The following IRF2 variants were observed in gnomAD, a reference collection of about 807,000 sequenced individuals.
IRF2 encodes interferon regulatory factor 2.
In IRF2, 15 loss-of-function variants were observed where a neutral mutation model predicts 40.6. The observed-to-expected ratio is 0.37, with a 90% CI of 0.25 to 0.57. The LOEUF (loss-of-function observed/expected upper bound fraction) is 0.57, where lower values mean the gene tolerates loss of function less well. Ranked by LOEUF, IRF2 falls within the 20% of genes least tolerant of loss-of-function variation. IRF2 has a pLI of 0.77. For missense variants in IRF2, 317 were observed against 455.7 expected, an observed-to-expected ratio of 0.70 and a Z score of 2.77; for synonymous variants, 151 against 165.5, an observed-to-expected ratio of 0.91 and a Z score of 0.67.
intron 1 of IRF2, among the ~76,000 whole-genome samples, chr4:184,473,085 T>C (rs1176976754): frequency 1.3e-5 from 2 of 151,562 alleles, no homozygotes; most frequent in East Asian, 1.9e-4. Context: ...GGCGCCGCGA[T>C]TGGCCGCGGC....
intron 5 of IRF2, among the ~76,000 whole-genome samples, chr4:184,416,981 G>T (rs1737303943): frequency 6.6e-6 from 1 of 152,164 alleles, no homozygotes. Flanking sequence ...AGGAGGCGGA[G>T]GTTGCAATGA....
chr4:184,398,914 C>A lies in IRF2; in HGVS notation c.694+1G>T. On this transcript the variant is annotated splice_donor_variant, in intron 7 of 8. Coordinates refer to ENST00000393593, the MANE Select transcript of IRF2 (RefSeq NM_002199.4). LOFTEE classifies it high-confidence loss of function. Reference sequence around the variant, plus strand: ...TCCCGGAGCCTCCCGCTGACGCTTACCTGCATAGGAAGACACGGGGGAGAT... The same window carrying A: ...TCCCGGAGCCTCCCGCTGACGCTTAACTGCATAGGAAGACACGGGGGAGAT... 6.3e-7 allele frequency: 1 copy of A among 1,598,364 alleles called. No homozygotes were observed. The highest frequency in any genetic ancestry group is 8.5e-7 in the Non-Finnish European group (1 of 1,173,630).
rs1738802136 is a variant in IRF2, at chr4:184,453,466, C to T, written c.-7+20913G>A. ...TATGGAAAACGGGAAAAGAAGTGATCCTATATTTCCCTTAATCAGCACGTC... is the reference window on the plus strand; with the variant it reads ...TATGGAAAACGGGAAAAGAAGTGATTCTATATTTCCCTTAATCAGCACGTC... On this transcript the variant is annotated intron_variant, in intron 1 of 8. Coordinates refer to ENST00000393593, the MANE Select transcript of IRF2 (RefSeq NM_002199.4). 2.0e-5 allele frequency among the ~76,000 whole-genome samples: 3 copies of T among 152,232 alleles called. No individual in the cohort carries two copies. The South Asian group carries it at 6.2e-4, about 31-fold the overall frequency.
intron 8 of IRF2, 36 bp downstream of exon 8, chr4:184,390,667 T>G: frequency 6.2e-7 from 1 of 1,612,362 alleles, no homozygotes; most frequent in Non-Finnish European, 8.5e-7. Context: ...AGGCTTTTCC[T>G]TGGCAGCATC....
intron 1 of IRF2, among the ~76,000 whole-genome samples, chr4:184,459,018 A>G (rs899127460): frequency 2.0e-5 from 3 of 152,096 alleles, no homozygotes; most frequent in Admixed American, 1.3e-4. Flanking sequence ...TGAATGGATT[A>G]TATTTAAATT....
intron 7 of IRF2, among the ~76,000 whole-genome samples, chr4:184,396,548 C>A (rs1297222536): frequency 6.6e-5 from 10 of 151,858 alleles, no homozygotes; most frequent in Admixed American, 2.0e-4. Flanking sequence ...GATGCTCCTG[C>A]CTCAGCCTTC....
At chr4:184,403,403 T>A (rs188528146) in intron 6 of IRF2, among the ~76,000 whole-genome samples, 2 of 152,266 alleles carry the variant, frequency 1.3e-5, no homozygotes, top group African/African-American at 4.8e-5. Context: ...CAGTCAGAAG[T>A]GGCACTCCTC....
At chr4:184,404,577 T>C (rs1736782648) in intron 6 of IRF2, among the ~76,000 whole-genome samples, 1 of 152,138 alleles carries the variant, frequency 6.6e-6, no homozygotes, top group Non-Finnish European at 1.5e-5. Context: ...TATATAGAAA[T>C]TGAATTTCAA....
chr4:184,456,646 C>G (rs1170207611), intron 1 of IRF2, among the ~76,000 whole-genome samples: 3 of 152,256 alleles, frequency 2.0e-5, no homozygotes, highest in Admixed American at 6.5e-5. Flanking sequence ...GCCCTCCCTA[C>G]CGGGAAACCG....
At chr4:184,396,565 G>A (rs1305816231) in intron 7 of IRF2, among the ~76,000 whole-genome samples, 2 of 151,702 alleles carry the variant, frequency 1.3e-5, no homozygotes, top group Non-Finnish European at 2.9e-5. Context: ...CTTCCAAGTG[G>A]CTGGGACTAC....
chr4:184,436,404 CA>C (rs1405417579), intron 1 of IRF2, among the ~76,000 whole-genome samples: 5 of 152,256 alleles, frequency 3.3e-5, no homozygotes, highest in Admixed American at 3.3e-4. Context: ...TCACTACCCT[CA>C]AGGAACAAAT....
rs147931401 is a variant in IRF2, at chr4:184,390,543, T to C, written c.741+160A>G. Among the ~76,000 whole-genome samples the C allele has an allele frequency of 3.9e-5, 6 of 152,206 alleles. No homozygotes were observed. The East Asian group carries it at 1.2e-3, about 29-fold the overall frequency. On this transcript the variant is annotated intron_variant, in intron 8 of 8. Transcript: ENST00000393593. ...AATTTTATAACCCCAAACCCAAAAG[T>C]ATGGTAAATTCTGGTGATGCATATT... is the stretch of plus-strand genomic sequence containing the variant.
At position 184,406,244 on chromosome 4, in the gene IRF2, T is replaced by C. The variant is rs527282602; in HGVS notation, c.529+1914A>G. Among the ~76,000 whole-genome samples, 13 of 151,346 alleles carry C rather than the reference T, an allele frequency of 8.6e-5. No homozygotes were observed. In the East Asian group the frequency reaches 2.5e-3, roughly 29 times the overall value. ...AGCTACTTTTTATCTTTTTTTTTTT[T>C]TTTTTGAGGCAGTCTCCCTCTGTCA... On this transcript the variant is annotated intron_variant, in intron 6 of 8. Coordinates refer to ENST00000393593, the MANE Select transcript of IRF2 (RefSeq NM_002199.4).
At chr4:184,389,503 G>A (rs961693436) in intron 8 of IRF2, among the ~76,000 whole-genome samples, 8 of 152,224 alleles carry the variant, frequency 5.3e-5, no homozygotes, top group African/African-American at 2.4e-5. Flanking sequence ...CTTAAGAACT[G>A]CAGAATGAAC....
At chr4:184,434,761 T>C (rs1738018097) in intron 1 of IRF2, among the ~76,000 whole-genome samples, 1 of 136,152 alleles carries the variant, frequency 7.3e-6, no homozygotes, top group African/African-American at 2.5e-5. Context: ...AAGTTGACAG[T>C]ACTATCCATG....
chr4:184,388,732 A>G lies in IRF2; in HGVS notation c.*26T>C, dbSNP rs1453587896. The G allele has an allele frequency of 1.9e-6, 3 of 1,575,030 alleles. No individual in the cohort carries two copies. Among genetic ancestry groups the G allele is most frequent in the East Asian group, 2.2e-5 (1 of 44,648 alleles). On this transcript the variant is annotated 3_prime_UTR_variant, in exon 9 of 9. Transcript: ENST00000393593. The surrounding 1 kb of genome is among the most constrained non-coding windows in gnomAD (Gnocchi z 4.6). ...CAACAAAACAAAGCCAAGAAGCCCC[A>G]ACAACCACCGCGGAGAGTCAGAGGC...
At chr4:184,462,172 T>C (rs751257841) in intron 1 of IRF2, among the ~76,000 whole-genome samples, 1 of 152,194 alleles carries the variant, frequency 6.6e-6, no homozygotes, top group Non-Finnish European at 1.5e-5. Flanking sequence ...CCAAACCTAC[T>C]AGAATTCACT....
chr4:184,452,954 C>T (rs1738781591), intron 1 of IRF2, among the ~76,000 whole-genome samples: 1 of 151,982 alleles, frequency 6.6e-6, no homozygotes, highest in African/African-American at 2.4e-5. Context: ...AATTTTAAAA[C>T]TACACCCTTG....
chr4:184,452,634 G>A (rs1447166826), intron 1 of IRF2, among the ~76,000 whole-genome samples: 4 of 151,938 alleles, frequency 2.6e-5, no homozygotes, highest in South Asian at 2.1e-4. Flanking sequence ...AAGGCAATGC[G>A]GTGGCTCACA....
Sources: allele counts gnomAD v4.1 joint callset (sites outside exome capture counted in the v4.1 genomes callset), GRCh38; gene constraint gnomAD v4.1.1; non-coding constraint Gnocchi (gnomAD v3.1); transcripts MANE v1.5; gene names NCBI Gene and HGNC (gene_info 2026-07-23, HGNC 2026-07-21).